The following EMILIN2 variants were observed in gnomAD, a reference collection of about 807,000 sequenced individuals.
The protein encoded by EMILIN2 is elastin microfibril interfacer 2, also known as EMILIN-2.
Under a neutral mutation model 87.1 loss-of-function variants are expected in EMILIN2, and 71 were observed. The observed-to-expected ratio is 0.82, with a 90% CI of 0.67 to 0.99. EMILIN2 has a LOEUF of 0.99. Ranked by LOEUF, EMILIN2 falls within the 50% of genes least tolerant of loss-of-function variation. The probability of loss-of-function intolerance (pLI) is 0.00; values close to 1 mark genes in which losing one functional copy is unlikely to be tolerated. For synonymous variants in EMILIN2, 581 were observed against 563.4 expected (o/e 1.03, Z -0.44); for missense variants, 1,407 against 1,371.8 (o/e 1.03, Z -0.40).
At chr18:2,857,460 A>G (rs1277304873) in intron 2 of EMILIN2, among the ~76,000 whole-genome samples, 1 of 152,196 alleles carries the variant, frequency 6.6e-6, no homozygotes, top group East Asian at 1.9e-4. Flanking sequence ...GTGAGAGGAT[A>G]ATGAGGTAAA....
Position 2,890,460 on chromosome 18 carries a change from A to AGC in EMILIN2, c.434-101_434-100insGC. 7.3e-7 allele frequency: 1 copy of AGC among 1,376,482 alleles called. No individual in the cohort carries two copies. The highest frequency in any genetic ancestry group is 2.3e-5 in the East Asian group (1 of 43,166). The allele number at this position is 1,376,482 out of a possible 1,614,324, so 85.3% of individuals were successfully genotyped here. On this transcript the variant is annotated intron_variant, in intron 3 of 7. Coordinates refer to ENST00000254528, the MANE Select transcript of EMILIN2 (RefSeq NM_032048.3). The surrounding 1 kb of genome is among the most constrained non-coding windows in gnomAD (Gnocchi z 4.7). ...ACAATTGTGTAGTGACCTGTAAGTG[A>AGC]AGATGTACATGTATTTTGTAGGTAC... is the stretch of plus-strand genomic sequence containing the variant.
chr18:2,888,908 GA>G (rs755420352), intron 3 of EMILIN2, among the ~76,000 whole-genome samples: 7 of 151,888 alleles, frequency 4.6e-5, no homozygotes, highest in African/African-American at 9.7e-5. Flanking sequence ...TTCAGAGGAG[GA>G]AAAAACAATG....
Position 2,892,226 on chromosome 18 carries a change from C to T in EMILIN2, c.2099C>T (p.Ser700Phe), listed in dbSNP as rs375666221. The change falls in exon 4 of 8, where the codon TCC (serine) becomes TTC (phenylalanine). Residue 700 changes from serine (S) to phenylalanine (F), a missense_variant. Coordinates refer to ENST00000254528, the MANE Select transcript of EMILIN2 (RefSeq NM_032048.3). ...ECTQGVQREV[S>F]MVEGRVSHME... ...ACGCAGGGGGTCCAGAGGGAGGTCT[C>T]CATGGTGGAGGGCAGGGTGTCTCAT... 3.2e-5 allele frequency: 52 copies of T among 1,610,898 alleles called. No individual in the cohort carries two copies. The highest frequency in any genetic ancestry group is 4.2e-5 in the Non-Finnish European group (49 of 1,177,708).
rs2076956312 is a variant in EMILIN2 at position 2,914,371 on chromosome 18, C to T, written c.*967C>T. 2 of 152,196 alleles carry T rather than the reference C, an allele frequency of 1.3e-5. No homozygotes were observed. Among genetic ancestry groups the T allele is most frequent in the South Asian group, 4.1e-4 (2 of 4,830 alleles). 9.4% of individuals were successfully genotyped at this position (152,196 alleles called of 1,614,324 possible). ...CAGCAGCTGCCCAGGCTAACTTGAT[C>T]CCTGCTGCTTCACTGCACCAATCTC... On this transcript the variant is annotated 3_prime_UTR_variant, in exon 8 of 8. Transcript: ENST00000254528.
intron 3 of EMILIN2, among the ~76,000 whole-genome samples, chr18:2,889,692 C>CT (rs34248672): frequency 0.37 from 36,086 of 96,722 alleles, 6,855 homozygotes; most frequent in Non-Finnish European, 0.45. Flanking sequence ...TTTTTCTTTT[C>CT]TTTTTTTTTT....
intron 2 of EMILIN2, among the ~76,000 whole-genome samples, chr18:2,854,448 CTTA>C (rs138613536): frequency 0.031 from 4,727 of 152,050 alleles, 256 homozygotes; most frequent in African/African-American, 0.11. Flanking sequence ...GAAAATTTGT[CTTA>C]TTAGGGAGTA....
intron 2 of EMILIN2, among the ~76,000 whole-genome samples, chr18:2,853,118 G>C (rs974749804): frequency 2.0e-5 from 3 of 152,200 alleles, no homozygotes; most frequent in African/African-American, 7.2e-5. Context: ...CTGCATGCTA[G>C]GCATTTACCA....
chr18:2,865,767 G>T (rs2076683476), intron 2 of EMILIN2, among the ~76,000 whole-genome samples: 1 of 152,224 alleles, frequency 6.6e-6, no homozygotes. Flanking sequence ...GTCTGCAGAG[G>T]TTTCTGCTGC....
chr18:2,902,316 C>T (rs1464158387), intron 4 of EMILIN2, among the ~76,000 whole-genome samples: 3 of 152,148 alleles, frequency 2.0e-5, no homozygotes, highest in African/African-American at 7.2e-5. Context: ...GTGCTAGGCC[C>T]TGGGGATGGC....
At chr18:2,859,407 G>T (rs916596812) in intron 2 of EMILIN2, among the ~76,000 whole-genome samples, 3 of 152,124 alleles carry the variant, frequency 2.0e-5, no homozygotes, top group Middle Eastern at 3.4e-3. Flanking sequence ...CCTACTTTTT[G>T]ATGGGATTGT....
At chr18:2,877,965 CTA>C (rs2076757912) in intron 2 of EMILIN2, among the ~76,000 whole-genome samples, 1 of 152,138 alleles carries the variant, frequency 6.6e-6, no homozygotes, top group African/African-American at 2.4e-5. Flanking sequence ...GACAAATACT[CTA>C]TGATTGCACT....
intron 2 of EMILIN2, 40 bp from the exon 3 acceptor site, chr18:2,884,924 G>A (rs747694872): frequency 3.7e-5 from 57 of 1,533,382 alleles, no homozygotes; most frequent in Middle Eastern, 1.7e-4. Context: ...TGCTTGTAAC[G>A]GCAGCCAGTA....
In EMILIN2 at chr18:2,847,724, T is replaced by C; in HGVS notation, c.135-85T>C. On this transcript the variant is annotated intron_variant, in intron 1 of 7. Transcript: ENST00000254528. This position sits in a 1 kb window ranked among gnomAD's most constrained non-coding sequence, Gnocchi z 4.5. ...ACGGGCCCCCCCGACCCTCGCTCGGTCTGGTGCCGCAGTCCCCTCTCCCCT... is the reference window on the plus strand; with the variant it reads ...ACGGGCCCCCCCGACCCTCGCTCGGCCTGGTGCCGCAGTCCCCTCTCCCCT... The C allele has an allele frequency of 6.5e-7, 1 of 1,531,258 alleles. No homozygotes were observed. The highest frequency in any genetic ancestry group is 8.7e-7 in the Non-Finnish European group (1 of 1,144,472). 94.9% of individuals were successfully genotyped at this position (1,531,258 alleles called of 1,614,324 possible). A position where few individuals can be genotyped will look rare whatever the true frequency, so the allele number is the denominator to read the frequency against.
intron 2 of EMILIN2, among the ~76,000 whole-genome samples, chr18:2,875,519 GGT>G (rs10538867): frequency 1 from 152,240 of 152,302 alleles, 76,090 homozygotes; most frequent in Non-Finnish European, 1. Context: ...TCTTTAGGAG[GGT>G]GTGTGGGCCT....
intron 2 of EMILIN2, among the ~76,000 whole-genome samples, chr18:2,861,460 G>C (rs1457619396): frequency 6.6e-6 from 1 of 152,180 alleles, no homozygotes; most frequent in Non-Finnish European, 1.5e-5. Flanking sequence ...TGGCTAGCCA[G>C]TTTTCCCAGC....
chr18:2,871,661 G>T (rs2076720687), intron 2 of EMILIN2, among the ~76,000 whole-genome samples: 2 of 152,204 alleles, frequency 1.3e-5, no homozygotes, highest in Admixed American at 6.5e-5. Flanking sequence ...AGGACCACGT[G>T]TTGCAAAAGA....
At chr18:2,889,975 G>A (rs2076826073) in intron 3 of EMILIN2, among the ~76,000 whole-genome samples, 1 of 152,150 alleles carries the variant, frequency 6.6e-6, no homozygotes, top group South Asian at 2.1e-4. Flanking sequence ...ATGTCTGTGA[G>A]ACTCTTTGAG....
intron 2 of EMILIN2, among the ~76,000 whole-genome samples, chr18:2,856,969 G>A (rs960499937): frequency 7.2e-5 from 11 of 152,156 alleles, no homozygotes; most frequent in Non-Finnish European, 1.3e-4. Flanking sequence ...TTTTAAAATG[G>A]TGATGAGGGC....
chr18:2,850,857 T>A (rs2076598055), intron 2 of EMILIN2, among the ~76,000 whole-genome samples: 1 of 150,574 alleles, frequency 6.6e-6, no homozygotes. Flanking sequence ...GGAGAGAGAG[T>A]GAAGCAAAGA....
Sources: allele counts gnomAD v4.1 joint callset (sites outside exome capture counted in the v4.1 genomes callset), GRCh38; gene constraint gnomAD v4.1.1; non-coding constraint Gnocchi (gnomAD v3.1); transcripts MANE v1.5; gene names NCBI Gene and HGNC (gene_info 2026-07-23, HGNC 2026-07-21).